The following RALGAPA2 variants were observed in gnomAD, a reference collection of about 807,000 sequenced individuals.
RALGAPA2 encodes ral GTPase-activating protein subunit alpha-2.
A neutral mutation model predicts 230.4 loss-of-function variants in RALGAPA2; 139 were observed. The ratio of observed to expected loss-of-function variants is 0.60; its 90% confidence interval spans 0.53 to 0.69. The LOEUF (loss-of-function observed/expected upper bound fraction) is 0.69. Ranked by LOEUF, RALGAPA2 falls within the 30% of genes least tolerant of loss-of-function variation. RALGAPA2 has a pLI of 0.00. For missense variants in RALGAPA2, 2,163 were observed against 2,276.0 expected (o/e 0.95, Z 1.01); for synonymous variants, 847 against 837.8 (o/e 1.01, Z -0.19).
rs1015364134 is a variant in RALGAPA2 at position 20,392,406 on chromosome 20, T to A, written c.*883A>T. ...TGGAGGCACAAGGCCATTCGGGGGG[T>A]ACCCGTCTCAGCCTAGCGCCTGAAG... is the stretch of plus-strand genomic sequence containing the variant. On this transcript the variant is annotated 3_prime_UTR_variant, in exon 40 of 40. Coordinates refer to ENST00000202677, the MANE Select transcript of RALGAPA2 (RefSeq NM_020343.4). The A allele has an allele frequency of 1.3e-5, 2 of 152,308 alleles. No individual in the cohort carries two copies. Among genetic ancestry groups the A allele is most frequent in the Middle Eastern group, 6.8e-3 (2 of 294 alleles). The allele number at this position is 152,308 out of a possible 1,614,324, so 9.4% of individuals were successfully genotyped here. A position where few individuals can be genotyped will look rare whatever the true frequency, so the allele number is the denominator to read the frequency against.
At chr20:20,422,958 A>G (rs6046849) in intron 37 of RALGAPA2, among the ~76,000 whole-genome samples, 100,250 of 152,054 alleles carry the variant, frequency 0.66, 33,213 homozygotes, top group African/African-American at 0.74. Flanking sequence ...AAGAAGCAAC[A>G]CCAGCCTGTG....
chr20:20,628,595 T>TG (rs1568670673), intron 10 of RALGAPA2, among the ~76,000 whole-genome samples: 1 of 149,854 alleles, frequency 6.7e-6, no homozygotes, highest in African/African-American at 2.5e-5. Context: ...ATGGTGGGGG[T>TG]GGGGGCCATT....
At chr20:20,511,582 G>A (rs2062706285) in intron 32 of RALGAPA2, among the ~76,000 whole-genome samples, 1 of 152,136 alleles carries the variant, frequency 6.6e-6, no homozygotes, top group Non-Finnish European at 1.5e-5. Context: ...GCATGTGCCT[G>A]TGTGACTGTG....
In RALGAPA2 at chr20:20,666,913, T is replaced by TG. The variant is rs1477578041; in HGVS notation, c.270+9322dup. Among the ~76,000 whole-genome samples, 3 of 140,580 alleles carry TG rather than the reference T, an allele frequency of 2.1e-5. No homozygotes were observed. In the East Asian group the frequency reaches 6.2e-4, roughly 29 times the overall value. The allele number at this position is 140,580 out of a possible 152,430, so 92.2% of individuals were successfully genotyped here. Reference sequence around the variant, plus strand: ...ACAAAAGAAGAGGAGGAGGCAGGGGTGGGGGGAGGAAAAGAGGAGGAGGAG... The same window carrying TG: ...ACAAAAGAAGAGGAGGAGGCAGGGGTGGGGGGGAGGAAAAGAGGAGGAGGAG... On this transcript the variant is annotated intron_variant, in intron 3 of 39. Transcript: ENST00000202677.
chr20:20,473,044 C>A, intron 36 of RALGAPA2, 88 bp from the exon 37 acceptor site: 1 of 1,377,876 alleles, frequency 7.3e-7, no homozygotes, highest in Non-Finnish European at 9.9e-7. Flanking sequence ...GTCAGACCTG[C>A]AATGAGCACT....
intron 4 of RALGAPA2, among the ~76,000 whole-genome samples, chr20:20,652,234 T>C (rs1326944459): frequency 6.6e-6 from 1 of 152,176 alleles, no homozygotes; most frequent in Admixed American, 6.5e-5. Flanking sequence ...ACTAATCATG[T>C]TGCATTCTTT....
chr20:20,593,070 A>G (rs1043801932), intron 16 of RALGAPA2, among the ~76,000 whole-genome samples: 1 of 152,060 alleles, frequency 6.6e-6, no homozygotes, highest in East Asian at 1.9e-4. Context: ...GGTGCACACC[A>G]CTATACCCAA....
intron 1 of RALGAPA2, among the ~76,000 whole-genome samples, chr20:20,693,954 G>C (rs1208004271): frequency 2.0e-5 from 3 of 151,998 alleles, no homozygotes; most frequent in African/African-American, 4.8e-5. Flanking sequence ...AAATACAAAG[G>C]TTAGCGGGAC....
At chr20:20,453,038 T>C (rs2061025437) in intron 37 of RALGAPA2, among the ~76,000 whole-genome samples, 1 of 152,228 alleles carries the variant, frequency 6.6e-6, no homozygotes, top group Non-Finnish European at 1.5e-5. Context: ...TTCCCTCAAC[T>C]ATATTTTTTA....
intron 37 of RALGAPA2, chr20:20,471,852 C>T (rs569756897): frequency 1.4e-4 from 21 of 152,060 alleles, no homozygotes; most frequent in African/African-American, 4.8e-4. Context: ...AATGAAGTGA[C>T]CAGGATTTTA....
At chr20:20,447,578 C>T (rs1451144387) in intron 37 of RALGAPA2, among the ~76,000 whole-genome samples, 2 of 151,936 alleles carry the variant, frequency 1.3e-5, no homozygotes, top group African/African-American at 2.4e-5. Context: ...TTGCTATTCA[C>T]ATATTCTCTA....
At chr20:20,620,949 T>C (rs1404529309) in intron 10 of RALGAPA2, among the ~76,000 whole-genome samples, 3 of 152,142 alleles carry the variant, frequency 2.0e-5, no homozygotes, top group Non-Finnish European at 4.4e-5. Flanking sequence ...GGGACCAACC[T>C]GGCCAACATG....
At chr20:20,400,469 A>G (rs1186843945) in intron 38 of RALGAPA2, among the ~76,000 whole-genome samples, 1 of 152,218 alleles carries the variant, frequency 6.6e-6, no homozygotes, top group Non-Finnish European at 1.5e-5. Flanking sequence ...CATTGGTAAA[A>G]AAAATTTTCC....
chr20:20,706,077 T>C (rs756791346), intron 1 of RALGAPA2, among the ~76,000 whole-genome samples: 5 of 152,212 alleles, frequency 3.3e-5, no homozygotes, highest in Non-Finnish European at 7.3e-5. Flanking sequence ...TGTCCACAAA[T>C]AAAGTACTTA....
chr20:20,617,508 G>A (rs1241633700), intron 12 of RALGAPA2, among the ~76,000 whole-genome samples: 1 of 152,134 alleles, frequency 6.6e-6, no homozygotes, highest in East Asian at 1.9e-4. Context: ...TGCCACAGAT[G>A]ATATATTGCA....
Position 20,629,458 on chromosome 20 carries a change from T to C in RALGAPA2, c.1138A>G (p.Ile380Val), listed in dbSNP as rs1603123214. ...RRLSNSSLCS[I>V]EEEHRMVYEM... ...TACACCATTCGGTGCTCTTCTTCAA[T>C]GCTACAGAGGCTGGAGTTGCTGAGT... The change falls in exon 10 of 40, where the codon ATT becomes GTT. Residue 380 changes from isoleucine to valine, a missense_variant. By Grantham distance (29) the Ile-to-Val change is conservative. Coordinates refer to ENST00000202677, the MANE Select transcript of RALGAPA2 (RefSeq NM_020343.4). 6.2e-7 allele frequency: 1 copy of C among 1,613,988 alleles called. No individual in the cohort carries two copies. Among genetic ancestry groups the C allele is most frequent in the Non-Finnish European group, 8.5e-7 (1 of 1,179,890 alleles).
chr20:20,454,260 T>A (rs1215619005), intron 37 of RALGAPA2, among the ~76,000 whole-genome samples: 3 of 152,282 alleles, frequency 2.0e-5, no homozygotes, highest in African/African-American at 7.2e-5. Context: ...AAAGATTACA[T>A]CCCAGGAGAG....
intron 37 of RALGAPA2, among the ~76,000 whole-genome samples, chr20:20,442,977 C>A (rs2060771958): frequency 6.6e-6 from 1 of 152,188 alleles, no homozygotes; most frequent in Non-Finnish European, 1.5e-5. Context: ...GATACGCTAG[C>A]ATAGCCTTTG....
chr20:20,455,311 T>C (rs772128947), intron 37 of RALGAPA2, among the ~76,000 whole-genome samples: 1 of 152,190 alleles, frequency 6.6e-6, no homozygotes, highest in Non-Finnish European at 1.5e-5. Flanking sequence ...CAAGTATCGA[T>C]CTGCTCTGGC....
Sources: allele counts gnomAD v4.1 joint callset (sites outside exome capture counted in the v4.1 genomes callset), GRCh38; gene constraint gnomAD v4.1.1; transcripts MANE v1.5; gene names NCBI Gene and HGNC (gene_info 2026-07-23, HGNC 2026-07-21).